Variants in TTC27 observed in about 807,000 individuals in gnomAD.
TTC27 encodes the protein tetratricopeptide repeat protein 27.
Under a neutral mutation model 115.9 loss-of-function variants are expected in TTC27, and 79 were observed. The observed-to-expected ratio is 0.68, with a 90% CI of 0.57 to 0.82. The LOEUF (loss-of-function observed/expected upper bound fraction) is 0.82. TTC27 is among the 40% of genes least tolerant of loss of function. TTC27 has a pLI of 0.00. For synonymous variants in TTC27, 401 were observed against 356.0 expected, an observed-to-expected ratio of 1.13 and a Z score of -1.42; for missense variants, 1,054 against 993.1, an observed-to-expected ratio of 1.06 and a Z score of -0.82.
intron 6 of TTC27, among the ~76,000 whole-genome samples, chr2:32,666,396 C>G (rs1349494034): frequency 6.7e-6 from 1 of 148,150 alleles, no homozygotes; most frequent in African/African-American, 2.5e-5. Flanking sequence ...TAGTTTGATG[C>G]AAAAATTAGT....
intron 10 of TTC27, among the ~76,000 whole-genome samples, chr2:32,725,231 G>C (rs1297979224): frequency 6.6e-6 from 1 of 152,008 alleles, no homozygotes; most frequent in Non-Finnish European, 1.5e-5. Flanking sequence ...CATCCCAACA[G>C]TCCCCCAAAG....
At chr2:32,684,516 C>T (rs1666563277) in intron 9 of TTC27, among the ~76,000 whole-genome samples, 1 of 151,632 alleles carries the variant, frequency 6.6e-6, no homozygotes, top group Non-Finnish European at 1.5e-5. Flanking sequence ...TGCCTGAAGC[C>T]CCTAGGTCTC....
chr2:32,637,345 T>C (rs4952344), intron 3 of TTC27, among the ~76,000 whole-genome samples: 34,240 of 151,948 alleles, frequency 0.23, 4,379 homozygotes, highest in East Asian at 0.46. Flanking sequence ...TTTCTTTTTT[T>C]TTTTCAGACG....
chr2:32,644,987 C>T (rs1664801858), intron 4 of TTC27, among the ~76,000 whole-genome samples: 1 of 149,984 alleles, frequency 6.7e-6, no homozygotes, highest in South Asian at 2.1e-4. Context: ...GGACTATAGG[C>T]ACCTGGCTTA....
At position 32,702,819 on chromosome 2, in the gene TTC27, C is replaced by T; in HGVS notation, c.1132C>T (p.Gln378Ter). 1 of 1,613,328 alleles carries T rather than the reference C, an allele frequency of 6.2e-7. No homozygotes were observed. The highest frequency in any genetic ancestry group is 8.5e-7 in the Non-Finnish European group (1 of 1,179,612). ...CCGCTTCTATCAGTGTTTGCTTTCACAACCAAAGTTCTGGGCCATTCAGAC... is the reference window on the plus strand; with the variant it reads ...CCGCTTCTATCAGTGTTTGCTTTCATAACCAAAGTTCTGGGCCATTCAGAC... ...LLAFTSCLLS[Q>*]PKFWAIQTSA... The change falls in exon 10 of 20, where the codon CAA (glutamine) becomes TAA (stop). Residue 378 changes from glutamine (Q) to a stop codon, truncating the protein, a stop_gained. Coordinates refer to ENST00000317907, the MANE Select transcript of TTC27 (RefSeq NM_017735.5). LOFTEE classifies it high-confidence loss of function.
chr2:32,764,496 T>G (rs1669557432), intron 13 of TTC27, among the ~76,000 whole-genome samples: 1 of 152,238 alleles, frequency 6.6e-6, no homozygotes, highest in Admixed American at 6.5e-5. Flanking sequence ...TTATCATCTT[T>G]TTGCTGGTGG....
chr2:32,784,202 A>C (rs1275511499), intron 15 of TTC27, among the ~76,000 whole-genome samples: 1 of 152,190 alleles, frequency 6.6e-6, no homozygotes, highest in Admixed American at 6.5e-5. Flanking sequence ...CTTCCAGCCC[A>C]ATCATGTTAG....
intron 9 of TTC27, among the ~76,000 whole-genome samples, chr2:32,697,855 G>T (rs995232181): frequency 1.3e-5 from 2 of 152,000 alleles, no homozygotes; most frequent in Non-Finnish European, 2.9e-5. Context: ...GGGTTCAAAC[G>T]ATTCTCATAC....
At chr2:32,637,425 G>A (rs1005501015) in intron 3 of TTC27, among the ~76,000 whole-genome samples, 6 of 151,828 alleles carry the variant, frequency 4.0e-5, no homozygotes, top group East Asian at 1.9e-4. Flanking sequence ...TCCGCCTCCC[G>A]GGTTCAAGTG....
chr2:32,684,179 G>GT (rs531721496), intron 9 of TTC27, among the ~76,000 whole-genome samples: 154 of 152,094 alleles, frequency 1.0e-3, no homozygotes, highest in African/African-American at 3.6e-3. Flanking sequence ...AGTTTGTTTG[G>GT]TTTTTTGTTC....
At chr2:32,757,200 A>G (rs540310646) in intron 12 of TTC27, among the ~76,000 whole-genome samples, 1 of 152,330 alleles carries the variant, frequency 6.6e-6, no homozygotes, top group East Asian at 1.9e-4. Context: ...TATAAATTCC[A>G]CAGTGATCCC....
chr2:32,785,265 T>G (rs1403759888), intron 15 of TTC27, among the ~76,000 whole-genome samples: 1 of 152,252 alleles, frequency 6.6e-6, no homozygotes, highest in Non-Finnish European at 1.5e-5. Flanking sequence ...TATTTCTAGA[T>G]GTTCATTTAT....
At chr2:32,693,653 G>A (rs3769589) in intron 9 of TTC27, among the ~76,000 whole-genome samples, 45,431 of 151,990 alleles carry the variant, frequency 0.3, 7,407 homozygotes, top group Non-Finnish European at 0.36. Flanking sequence ...GGAAAAATGG[G>A]CATCTTACCC....
intron 5 of TTC27, among the ~76,000 whole-genome samples, chr2:32,653,456 T>C (rs1665205117): frequency 1.3e-5 from 2 of 151,984 alleles, no homozygotes; most frequent in Non-Finnish European, 1.5e-5. Flanking sequence ...TAGCCGGACA[T>C]TGTGGTGTGT....
At chr2:32,653,462 T>G (rs959845243) in intron 5 of TTC27, among the ~76,000 whole-genome samples, 1 of 151,954 alleles carries the variant, frequency 6.6e-6, no homozygotes, top group African/African-American at 2.4e-5. Context: ...GACATTGTGG[T>G]GTGTGCCTGT....
In TTC27 at chr2:32,821,027, A is replaced by T. The variant is rs1437366197; in HGVS notation, c.*89A>T. On this transcript the variant is annotated 3_prime_UTR_variant, in exon 20 of 20. Transcript: ENST00000317907. ...TCTGAAATGCAAGATATTGATTTTT[A>T]AAATAAATTTGTTTTATGACTTAAC... is the stretch of plus-strand genomic sequence containing the variant. The T allele has an allele frequency of 3.2e-6, 4 of 1,235,402 alleles. No homozygotes were observed. Among genetic ancestry groups the T allele is most frequent in the Non-Finnish European group, 4.2e-6 (4 of 962,754 alleles). 76.5% of individuals were successfully genotyped at this position (1,235,402 alleles called of 1,614,324 possible). A position where few individuals can be genotyped will look rare whatever the true frequency, so the allele number is the denominator to read the frequency against.
At chr2:32,652,246 C>G (rs890944548) in intron 5 of TTC27, among the ~76,000 whole-genome samples, 2 of 152,070 alleles carry the variant, frequency 1.3e-5, no homozygotes, top group Non-Finnish European at 2.9e-5. Flanking sequence ...TGGTGGGCAC[C>G]TGTAATCTCA....
chr2:32,806,826 T>G (rs770450622), intron 16 of TTC27, among the ~76,000 whole-genome samples: 11 of 152,154 alleles, frequency 7.2e-5, no homozygotes, highest in Non-Finnish European at 1.2e-4. Flanking sequence ...TTTTTAAGAT[T>G]GAATATTAGC....
chr2:32,776,968 T>G (rs931015289), intron 13 of TTC27, among the ~76,000 whole-genome samples: 2 of 151,538 alleles, frequency 1.3e-5, no homozygotes, highest in Admixed American at 6.6e-5. Flanking sequence ...AAGGAAATAT[T>G]ATGATGTACA....
Sources: gnomAD v4.1 joint callset for allele counts (sites outside exome capture counted in the v4.1 genomes callset) on GRCh38, gnomAD v4.1.1 for gene constraint, MANE v1.5 for transcripts, NCBI Gene and HGNC (gene_info 2026-07-23, HGNC 2026-07-21) for gene names.